The following FIP1L1 variants were observed in gnomAD, a reference collection of about 807,000 sequenced individuals.
FIP1L1 encodes pre-mRNA 3'-end-processing factor FIP1.
A neutral mutation model predicts 84.6 loss-of-function variants in FIP1L1; 21 were observed. That is an observed-to-expected ratio of 0.25 (90% CI 0.18 to 0.36). The LOEUF is 0.36. Among genes scored for constraint, FIP1L1 ranks in the 10% least tolerant of loss-of-function variants. FIP1L1 has a pLI of 1.00. For synonymous variants in FIP1L1, 263 were observed against 242.3 expected, an observed-to-expected ratio of 1.09 and a Z score of -0.80; for missense variants, 526 against 751.1, an observed-to-expected ratio of 0.70 and a Z score of 3.50.
chr4:53,425,826 G>T, intron 11 of FIP1L1, 46 bp from the exon 12 acceptor site: 2 of 1,306,878 alleles, frequency 1.5e-6, no homozygotes, highest in Non-Finnish European at 1.1e-6. Flanking sequence ...TATTTTTTAA[G>T]CATCTAATTA....
At chr4:53,451,131 A>AT (rs374162985) in intron 15 of FIP1L1, among the ~76,000 whole-genome samples, 85 of 144,344 alleles carry the variant, frequency 5.9e-4, no homozygotes, top group African/African-American at 5.5e-4. Flanking sequence ...TGCCTGGCTA[A>AT]TTTTTTTTTT....
intron 15 of FIP1L1, among the ~76,000 whole-genome samples, chr4:53,447,222 T>C (rs1774596535): frequency 6.6e-6 from 1 of 152,106 alleles, no homozygotes; most frequent in Non-Finnish European, 1.5e-5. Context: ...CTGTTATCTT[T>C]CAATATGATA....
rs141409458 is a variant in FIP1L1, at chr4:53,446,629, A to G, written c.1285+2526A>G. 2.6e-5 allele frequency among the ~76,000 whole-genome samples: 4 copies of G among 152,258 alleles called. No individual in the cohort carries two copies. The East Asian group carries it at 7.7e-4, about 29-fold the overall frequency. ...CTTGGTATGATGCCTTTAATATGTA[A>G]GCATTTGGTGAACATGACTTATTAA... On this transcript the variant is annotated intron_variant, in intron 15 of 17. Transcript: ENST00000337488.
intron 12 of FIP1L1, among the ~76,000 whole-genome samples, chr4:53,427,698 C>T (rs1222424386): frequency 1.3e-5 from 2 of 152,084 alleles, no homozygotes; most frequent in Non-Finnish European, 2.9e-5. Flanking sequence ...AAAGATAATA[C>T]TTGTTAAATG....
At chr4:53,422,276 T>C (rs1762688848) in intron 11 of FIP1L1, among the ~76,000 whole-genome samples, 2 of 152,158 alleles carry the variant, frequency 1.3e-5, no homozygotes, top group South Asian at 4.1e-4. Flanking sequence ...TTTATCTTAG[T>C]GTCACCATTT....
chr4:53,409,716 C>G (rs1311338529), intron 10 of FIP1L1, among the ~76,000 whole-genome samples: 1 of 152,218 alleles, frequency 6.6e-6, no homozygotes, highest in Non-Finnish European at 1.5e-5. Context: ...CCCCCAGCCT[C>G]GCTGCCACCT....
chr4:53,406,858 C>T (rs1350449601), intron 10 of FIP1L1, among the ~76,000 whole-genome samples: 1 of 151,904 alleles, frequency 6.6e-6, no homozygotes, highest in African/African-American at 2.4e-5. Context: ...TGGTGATATC[C>T]CCTTTGTCAT....
At chr4:53,408,700 A>G (rs1019034535) in intron 10 of FIP1L1, among the ~76,000 whole-genome samples, 2 of 151,998 alleles carry the variant, frequency 1.3e-5, no homozygotes, top group South Asian at 2.1e-4. Flanking sequence ...GTTTCTTTTT[A>G]TTCTTTTTTC....
chr4:53,412,738 T>C (rs953332279), intron 10 of FIP1L1, among the ~76,000 whole-genome samples: 1 of 152,134 alleles, frequency 6.6e-6, no homozygotes, highest in Non-Finnish European at 1.5e-5. Flanking sequence ...TTTGGGTTTC[T>C]GCACTGCAAA....
chr4:53,459,461 G>A lies in FIP1L1; in HGVS notation c.*12G>A. The stretch of plus-strand genomic sequence containing the variant: ...CACCTGCAGAATAGGCATGGTTTTG[G>A]CCTTTTGTGTATATTAGTACCAGAA... On this transcript the variant is annotated 3_prime_UTR_variant, in exon 18 of 18. Coordinates refer to ENST00000337488, the MANE Select transcript of FIP1L1 (RefSeq NM_030917.4). The A allele has an allele frequency of 6.2e-7, 1 of 1,613,080 alleles. No homozygotes were observed. The highest frequency in any genetic ancestry group is 1.1e-5 in the South Asian group (1 of 91,056).
At chr4:53,408,910 A>G (rs969919871) in intron 10 of FIP1L1, among the ~76,000 whole-genome samples, 1 of 145,754 alleles carries the variant, frequency 6.9e-6, no homozygotes, top group Admixed American at 7.2e-5. Context: ...ATTTTTTTCA[A>G]AGTTTTTAAC....
chr4:53,458,817 C>G (rs368839244), intron 17 of FIP1L1, 27 bp downstream of exon 17: 17 of 1,600,362 alleles, frequency 1.1e-5, no homozygotes, highest in Non-Finnish European at 1.4e-5. Flanking sequence ...AATAGTGAAC[C>G]AATAGTATGT....
At position 53,377,757 on chromosome 4, in the gene FIP1L1, C is replaced by T. The variant is rs1419256835; in HGVS notation, c.-82C>T. ...CGTTCGTCGGCGGGTTCGCGCCCTT[C>T]TCGCGCCTCGGGGCTGCGAGGCTGG... On this transcript the variant is annotated 5_prime_UTR_variant, in exon 1 of 18. Coordinates refer to ENST00000337488, the MANE Select transcript of FIP1L1 (RefSeq NM_030917.4). 7.5e-7 allele frequency: 1 copy of T among 1,330,864 alleles called. No individual in the cohort carries two copies. The highest frequency in any genetic ancestry group is 1.0e-6 in the Non-Finnish European group (1 of 1,000,838). 82.4% of individuals were successfully genotyped at this position (1,330,864 alleles called of 1,614,324 possible). A position where few individuals can be genotyped will look rare whatever the true frequency, so the allele number is the denominator to read the frequency against.
chr4:53,440,695 G>T, intron 13 of FIP1L1: 1 of 909,202 alleles, frequency 1.1e-6, no homozygotes, highest in South Asian at 1.4e-5. Context: ...TGTTGATGCG[G>T]TTAGAATATG....
At chr4:53,383,009 T>C (rs1738900937) in intron 4 of FIP1L1, among the ~76,000 whole-genome samples, 1 of 151,618 alleles carries the variant, frequency 6.6e-6, no homozygotes, top group South Asian at 2.1e-4. Context: ...GTACTTCTTA[T>C]GCTTTGGGGT....
chr4:53,435,008 C>T (rs1187126876), intron 13 of FIP1L1, among the ~76,000 whole-genome samples: 1 of 152,144 alleles, frequency 6.6e-6, no homozygotes, highest in Non-Finnish European at 1.5e-5. Context: ...TTTGGTCTTA[C>T]TCAACAGATT....
At chr4:53,424,991 A>G (rs1481717356) in intron 11 of FIP1L1, among the ~76,000 whole-genome samples, 1 of 152,090 alleles carries the variant, frequency 6.6e-6, no homozygotes, top group African/African-American at 2.4e-5. Flanking sequence ...TTAGGAGCCT[A>G]ATCTAGTGAC....
At chr4:53,388,562 C>G (rs1742405952) in intron 5 of FIP1L1, among the ~76,000 whole-genome samples, 1 of 152,082 alleles carries the variant, frequency 6.6e-6, no homozygotes, top group South Asian at 2.1e-4. Context: ...GTCTTGATCT[C>G]CTGACCTCGT....
At chr4:53,418,471 G>T (rs1760800707) in intron 11 of FIP1L1, among the ~76,000 whole-genome samples, 1 of 152,102 alleles carries the variant, frequency 6.6e-6, no homozygotes, top group African/African-American at 2.4e-5. Flanking sequence ...TATAACAGTG[G>T]CATTTTATTG....
Sources: allele counts gnomAD v4.1 joint callset (sites outside exome capture counted in the v4.1 genomes callset), GRCh38; gene constraint gnomAD v4.1.1; transcripts MANE v1.5; gene names NCBI Gene and HGNC (gene_info 2026-07-23, HGNC 2026-07-21).